Variants in LTBP1 observed in about 807,000 individuals in gnomAD.
LTBP1 encodes latent transforming growth factor beta binding protein 1, also known as latent-transforming growth factor beta-binding protein 1.
A neutral mutation model predicts 207.6 loss-of-function variants in LTBP1; 129 were observed. That is an observed-to-expected ratio of 0.62 (90% CI 0.54 to 0.72). The LOEUF (loss-of-function observed/expected upper bound fraction) is 0.72, where lower values mean the gene tolerates loss of function less well. Ranked by LOEUF, LTBP1 falls within the 30% of genes least tolerant of loss-of-function variation. The pLI is 0.00. For missense variants in LTBP1, 2,281 were observed against 2,217.2 expected (o/e 1.03, Z -0.58); for synonymous variants, 963 against 833.7 (o/e 1.16, Z -2.67).
chr2:33,387,414 C>T (rs1197486823), intron 31 of LTBP1, among the ~76,000 whole-genome samples: 3 of 152,182 alleles, frequency 2.0e-5, no homozygotes, highest in African/African-American at 4.8e-5. Context: ...TTTCCAGGTT[C>T]GGCTATTTCC....
intron 2 of LTBP1, among the ~76,000 whole-genome samples, chr2:32,986,605 A>G (rs899121885): frequency 1.3e-5 from 2 of 152,152 alleles, no homozygotes; most frequent in Non-Finnish European, 2.9e-5. Flanking sequence ...TTTCAAGATG[A>G]TGACAGCAGA....
At chr2:33,114,237 A>C (rs781201888) in intron 4 of LTBP1, among the ~76,000 whole-genome samples, 2 of 152,222 alleles carry the variant, frequency 1.3e-5, no homozygotes, top group Non-Finnish European at 2.9e-5. Flanking sequence ...TATCATCTAG[A>C]GTAGGGATTG....
intron 4 of LTBP1, among the ~76,000 whole-genome samples, chr2:33,133,582 A>C (rs2081951337): frequency 6.6e-6 from 1 of 152,194 alleles, no homozygotes; most frequent in Admixed American, 6.5e-5. Context: ...GCGATCCAGC[A>C]GTGAAGGGCA....
chr2:33,153,660 G>C (rs886667176), intron 5 of LTBP1, among the ~76,000 whole-genome samples: 5 of 152,132 alleles, frequency 3.3e-5, no homozygotes, highest in African/African-American at 4.8e-5. Flanking sequence ...TAAACGAAAA[G>C]GTAGTTTCCT....
intron 3 of LTBP1, among the ~76,000 whole-genome samples, chr2:33,073,015 C>G (rs2077879091): frequency 6.6e-6 from 1 of 152,212 alleles, no homozygotes; most frequent in East Asian, 1.9e-4. Context: ...GTGTTGCCCT[C>G]CACAGAGCCG....
At chr2:33,058,591 G>A (rs1572428967) in intron 3 of LTBP1, among the ~76,000 whole-genome samples, 1 of 152,142 alleles carries the variant, frequency 6.6e-6, no homozygotes, top group East Asian at 1.9e-4. Flanking sequence ...AAATATGCAA[G>A]AAGATCAAGA....
intron 22 of LTBP1, among the ~76,000 whole-genome samples, chr2:33,303,576 T>A (rs1210229886): frequency 6.6e-6 from 1 of 152,112 alleles, no homozygotes; most frequent in Admixed American, 6.5e-5. Flanking sequence ...GGTCTTGATC[T>A]CCTGACCTCG....
chr2:33,263,292 A>G lies in LTBP1; in HGVS notation c.2519-2A>G, dbSNP rs1383797085. 1 of 1,588,772 alleles carries G rather than the reference A, an allele frequency of 6.3e-7. No homozygotes were observed. Among genetic ancestry groups the G allele is most frequent in the East Asian group, 2.2e-5 (1 of 44,764 alleles). On this transcript the variant is annotated splice_acceptor_variant, in intron 14 of 33. Transcript: ENST00000404816. LOFTEE classifies it high-confidence loss of function. ...CTTTTTATCCTCTGCTTCCTCATAT[A>G]GTAGTGATTGAAAAAACATCACCTC...
At chr2:33,005,887 G>A (rs924818114) in intron 2 of LTBP1, among the ~76,000 whole-genome samples, 19 of 146,916 alleles carry the variant, frequency 1.3e-4, no homozygotes, top group African/African-American at 4.3e-4. Context: ...GTGCCCGGCC[G>A]GCTCTGCCTT....
intron 3 of LTBP1, chr2:33,063,189 T>A (rs1167082500): frequency 6.6e-6 from 1 of 152,184 alleles, no homozygotes; most frequent in Non-Finnish European, 1.5e-5. Context: ...TTCATATTGC[T>A]GTTCGAATTA....
At chr2:33,234,743 A>C (rs2091959318) in intron 9 of LTBP1, among the ~76,000 whole-genome samples, 1 of 152,202 alleles carries the variant, frequency 6.6e-6, no homozygotes, top group African/African-American at 2.4e-5. Flanking sequence ...TATGGAACCA[A>C]AAAAGAGCCC....
chr2:33,353,859 C>CTT (rs777108878), intron 26 of LTBP1, among the ~76,000 whole-genome samples: 1 of 113,114 alleles, frequency 8.8e-6, no homozygotes, highest in Admixed American at 8.8e-5. Context: ...TGCATGTACG[C>CTT]CTTTTTTTTT....
intron 24 of LTBP1, among the ~76,000 whole-genome samples, chr2:33,338,923 C>G (rs1384503322): frequency 6.6e-6 from 1 of 152,134 alleles, no homozygotes; most frequent in East Asian, 1.9e-4. Flanking sequence ...CCATGCCCTA[C>G]TAAGGAGTGT....
chr2:33,102,824 A>G (rs1272528863), intron 3 of LTBP1, among the ~76,000 whole-genome samples: 2 of 151,774 alleles, frequency 1.3e-5, no homozygotes, highest in Non-Finnish European at 2.9e-5. Context: ...AGCTGTACGC[A>G]TTGTCTGTAT....
intron 3 of LTBP1, among the ~76,000 whole-genome samples, chr2:33,087,357 T>C (rs2078824705): frequency 6.6e-6 from 1 of 152,150 alleles, no homozygotes. Context: ...CATGAGTCAC[T>C]GCACCTAGCC....
intron 10 of LTBP1, among the ~76,000 whole-genome samples, chr2:33,246,882 C>A (rs2092531772): frequency 6.6e-6 from 1 of 152,274 alleles, no homozygotes; most frequent in East Asian, 1.9e-4. Context: ...ATGTTTGAGG[C>A]TTAGGATGGT....
intron 15 of LTBP1, among the ~76,000 whole-genome samples, chr2:33,268,653 A>T (rs187405930): frequency 2.0e-5 from 3 of 152,376 alleles, no homozygotes; most frequent in African/African-American, 7.2e-5. Flanking sequence ...CTTAATAGCT[A>T]AAGGATAGGT....
intron 15 of LTBP1, among the ~76,000 whole-genome samples, chr2:33,266,491 G>T (rs867233313): frequency 1.2e-4 from 18 of 152,278 alleles, no homozygotes; most frequent in African/African-American, 4.1e-4. Flanking sequence ...GCCAGTTCCA[G>T]GTGTAGTCCA....
chr2:33,046,543 G>C (rs2076454769), intron 3 of LTBP1, among the ~76,000 whole-genome samples: 5 of 152,148 alleles, frequency 3.3e-5, no homozygotes, highest in Admixed American at 3.3e-4. Flanking sequence ...TTTTTGCATT[G>C]ATGTTCATCA....
Sources: gnomAD v4.1 joint callset for allele counts (sites outside exome capture counted in the v4.1 genomes callset) on GRCh38, gnomAD v4.1.1 for gene constraint, MANE v1.5 for transcripts, NCBI Gene and HGNC (gene_info 2026-07-23, HGNC 2026-07-21) for gene names.